Variants in ZNF423 observed in about 807,000 individuals in gnomAD.
The protein encoded by ZNF423 is Ebf-associated zinc finger protein.
In ZNF423, 12 loss-of-function variants were observed where a neutral mutation model predicts 95.8. The observed-to-expected ratio is 0.13, with a 90% CI of 0.08 to 0.20. The LOEUF (loss-of-function observed/expected upper bound fraction) is 0.20, where lower values mean the gene tolerates loss of function less well. Ranked by LOEUF, ZNF423 falls within the 10% of genes least tolerant of loss-of-function variation. The pLI, the probability that ZNF423 is intolerant of heterozygous loss-of-function variation, is 1.00. For missense variants in ZNF423, 1,316 were observed against 1,737.1 expected, an observed-to-expected ratio of 0.76 and a Z score of 4.31; for synonymous variants, 749 against 711.9, an observed-to-expected ratio of 1.05 and a Z score of -0.83.
At chr16:49,597,042 A>G (rs1000255732) in intron 5 of ZNF423, among the ~76,000 whole-genome samples, 2 of 152,242 alleles carry the variant, frequency 1.3e-5, no homozygotes, top group Non-Finnish European at 2.9e-5. Flanking sequence ...CTCTCTGGGC[A>G]TCGAGAGATC....
chr16:49,850,935 G>A (rs1471561251), intron 1 of ZNF423, among the ~76,000 whole-genome samples: 1 of 152,126 alleles, frequency 6.6e-6, no homozygotes, highest in Non-Finnish European at 1.5e-5. Flanking sequence ...GGTCTAGGTG[G>A]TCACAAGTCT....
intron 3 of ZNF423, among the ~76,000 whole-genome samples, chr16:49,703,632 G>C (rs1160041376): frequency 1.3e-5 from 2 of 152,252 alleles, no homozygotes; most frequent in African/African-American, 4.8e-5. Flanking sequence ...AGGGACAAAG[G>C]CTCCAGAGAG....
intron 7 of ZNF423, among the ~76,000 whole-genome samples, chr16:49,509,553 T>C (rs1171939183): frequency 2.6e-5 from 4 of 152,136 alleles, no homozygotes; most frequent in Non-Finnish European, 4.4e-5. Flanking sequence ...TTCTCATCAT[T>C]AATTTCTTTG....
chr16:49,768,149 C>T (rs896493132), intron 2 of ZNF423, among the ~76,000 whole-genome samples: 8 of 152,228 alleles, frequency 5.3e-5, no homozygotes, highest in African/African-American at 1.4e-4. Flanking sequence ...TGAGGGCTCG[C>T]GCACAGCTGG....
At chr16:49,820,450 C>A (rs2034924277) in intron 1 of ZNF423, among the ~76,000 whole-genome samples, 1 of 152,234 alleles carries the variant, frequency 6.6e-6, no homozygotes, top group African/African-American at 2.4e-5. Flanking sequence ...GACAATCTGA[C>A]TTTAATAGCT....
intron 5 of ZNF423, among the ~76,000 whole-genome samples, chr16:49,621,139 G>A (rs943755182): frequency 2.6e-5 from 4 of 152,166 alleles, no homozygotes; most frequent in Non-Finnish European, 5.9e-5. Flanking sequence ...AGGGGAGGTG[G>A]GGAAAGGGCG....
chr16:49,541,757 C>G (rs913342630), intron 5 of ZNF423, among the ~76,000 whole-genome samples: 6 of 152,138 alleles, frequency 3.9e-5, no homozygotes, highest in Middle Eastern at 3.2e-3. Flanking sequence ...AGTGATTTCT[C>G]ACGAGATCTG....
chr16:49,614,055 CA>C, intron 5 of ZNF423, among the ~76,000 whole-genome samples: 1 of 152,110 alleles, frequency 6.6e-6, no homozygotes, highest in Admixed American at 6.5e-5. Context: ...ACATACCTAA[CA>C]AAGGACTAGT....
At chr16:49,808,165 C>T (rs2034695387) in intron 1 of ZNF423, among the ~76,000 whole-genome samples, 1 of 151,960 alleles carries the variant, frequency 6.6e-6, no homozygotes, top group Admixed American at 6.6e-5. Flanking sequence ...GGGCTCAAAC[C>T]ATCCTCCCAC....
At chr16:49,837,651 T>C (rs1033390831) in intron 1 of ZNF423, among the ~76,000 whole-genome samples, 2 of 152,206 alleles carry the variant, frequency 1.3e-5, no homozygotes, top group African/African-American at 2.4e-5. Flanking sequence ...CACTTGCCCC[T>C]GCCCCTCCAG....
intron 1 of ZNF423, among the ~76,000 whole-genome samples, chr16:49,839,870 C>A (rs1330005810): frequency 6.6e-6 from 1 of 152,206 alleles, no homozygotes; most frequent in Admixed American, 6.5e-5. Context: ...CATGAAGCAG[C>A]CCCCTTCACC....
At chr16:49,612,505 T>C (rs984054748) in intron 5 of ZNF423, among the ~76,000 whole-genome samples, 1 of 151,522 alleles carries the variant, frequency 6.6e-6, no homozygotes, top group Non-Finnish European at 1.5e-5. Context: ...AAAAAATGCT[T>C]AGATAGAAGG....
intron 1 of ZNF423, among the ~76,000 whole-genome samples, chr16:49,851,561 C>T (rs1298485434): frequency 3.3e-5 from 5 of 152,212 alleles, no homozygotes; most frequent in Non-Finnish European, 7.3e-5. Flanking sequence ...AGTTTCCTGC[C>T]TTCCTGGTTC....
intron 3 of ZNF423, among the ~76,000 whole-genome samples, chr16:49,658,519 G>A (rs1302707980): frequency 6.6e-5 from 10 of 152,368 alleles, no homozygotes; most frequent in Middle Eastern, 3.4e-3. Flanking sequence ...TGTCGTCGTG[G>A]ACTTTGTAGC....
At chr16:49,577,046 A>G (rs1385026458) in intron 5 of ZNF423, among the ~76,000 whole-genome samples, 1 of 152,192 alleles carries the variant, frequency 6.6e-6, no homozygotes, top group Non-Finnish European at 1.5e-5. Flanking sequence ...GGATGTGACA[A>G]CATTAAAGAC....
chr16:49,516,971 G>C (rs1168605304), intron 7 of ZNF423, among the ~76,000 whole-genome samples: 1 of 152,202 alleles, frequency 6.6e-6, no homozygotes, highest in Non-Finnish European at 1.5e-5. Context: ...GCTACCTAGG[G>C]TGTCTGTCTT....
intron 7 of ZNF423, among the ~76,000 whole-genome samples, chr16:49,504,811 T>C (rs747934418): frequency 2.0e-4 from 30 of 152,134 alleles, no homozygotes; most frequent in Non-Finnish European, 4.4e-4. Context: ...AGCCATCCAC[T>C]GTTGTCTACA....
chr16:49,608,250 T>A (rs1238929250), intron 5 of ZNF423, among the ~76,000 whole-genome samples: 1 of 152,060 alleles, frequency 6.6e-6, no homozygotes, highest in Admixed American at 6.5e-5. Flanking sequence ...ATCGTTAGTA[T>A]CAACGTTTAC....
chr16:49,629,756 A>T (rs751061564), intron 4 of ZNF423, among the ~76,000 whole-genome samples: 6 of 152,276 alleles, frequency 3.9e-5, no homozygotes, highest in Non-Finnish European at 8.8e-5. Context: ...GAACACATAA[A>T]GTTGCAGAAT....
Sources: allele counts gnomAD v4.1 joint callset (sites outside exome capture counted in the v4.1 genomes callset), GRCh38; gene constraint gnomAD v4.1.1; transcripts MANE v1.5; gene names NCBI Gene and HGNC (gene_info 2026-07-23, HGNC 2026-07-21).